LRFN2: variants seen among roughly 807,000 people sequenced by gnomAD.
LRFN2 encodes leucine rich repeat and fibronectin type III domain containing 2.
A neutral mutation model predicts 37.3 loss-of-function variants in LRFN2; 18 were observed. The ratio of observed to expected loss-of-function variants is 0.48; its 90% confidence interval spans 0.33 to 0.72. The LOEUF (loss-of-function observed/expected upper bound fraction) is 0.72. Ranked by LOEUF, LRFN2 falls within the 30% of genes least tolerant of loss-of-function variation. The pLI, the probability that LRFN2 is intolerant of heterozygous loss-of-function variation, is 0.02. For missense variants in LRFN2, 1,006 were observed against 1,060.7 expected, an observed-to-expected ratio of 0.95 and a Z score of 0.72; for synonymous variants, 556 against 466.6, an observed-to-expected ratio of 1.19 and a Z score of -2.47.
chr6:40,550,621 G>C (rs1187715814), intron 1 of LRFN2, among the ~76,000 whole-genome samples: 1 of 151,694 alleles, frequency 6.6e-6, no homozygotes, highest in Non-Finnish European at 1.5e-5. Flanking sequence ...ACAGACCAGT[G>C]GCCACAATGT....
Position 40,391,896 on chromosome 6 carries a change from C to T in LRFN2, c.*47G>A. On this transcript the variant is annotated 3_prime_UTR_variant, in exon 3 of 3. Transcript: ENST00000338305. ...AAACACTTGCCAGTGAGATTCTTTC[C>T]CCTTCTCCCACCCTGCGCACAGGAA... 1 of 1,472,412 alleles carries T rather than the reference C, an allele frequency of 6.8e-7. No individual in the cohort carries two copies. Among genetic ancestry groups the T allele is most frequent in the Non-Finnish European group, 9.0e-7 (1 of 1,108,156 alleles). The allele number at this position is 1,472,412 out of a possible 1,614,324, so 91.2% of individuals were successfully genotyped here.
At position 40,435,040 on chromosome 6, in the gene LRFN2, TATATATATATATAGAGAGAGAGAGAGAG is replaced by T. The variant is rs1490150248; in HGVS notation, c.-18-1937_-18-1910del. On this transcript the variant is annotated intron_variant, in intron 1 of 2. Transcript: ENST00000338305. ...ATATATATATATATATATATATATA[TATATATATATATAGAGAGAGAGAGAGAG>T]AGAGAGAGAGAGAGAGAGAGAGACA... 2.6e-4 allele frequency among the ~76,000 whole-genome samples: 24 copies of T among 93,710 alleles called. No individual in the cohort carries two copies. In the East Asian group the frequency reaches 7.1e-3, roughly 28 times the overall value. The allele number at this position is 93,710 out of a possible 152,430, so 61.5% of individuals were successfully genotyped here. A position where few individuals can be genotyped will look rare whatever the true frequency, so the allele number is the denominator to read the frequency against.
At chr6:40,411,255 G>A (rs528550058) in intron 2 of LRFN2, among the ~76,000 whole-genome samples, 62 of 152,318 alleles carry the variant, frequency 4.1e-4, no homozygotes, top group Non-Finnish European at 7.5e-4. Context: ...ATGAGGAGTC[G>A]TCCCTGCTCT....
intron 1 of LRFN2, among the ~76,000 whole-genome samples, chr6:40,585,191 G>C (rs1230806950): frequency 6.6e-6 from 1 of 152,284 alleles, no homozygotes; most frequent in Non-Finnish European, 1.5e-5. Flanking sequence ...CAAGTTTGCT[G>C]TTTGCATCCC....
intron 2 of LRFN2, among the ~76,000 whole-genome samples, chr6:40,430,136 C>T (rs934034371): frequency 1.3e-5 from 2 of 152,192 alleles, no homozygotes; most frequent in South Asian, 4.1e-4. Context: ...TATATGTGCA[C>T]ATATGCATGT....
chr6:40,396,359 C>T (rs951757279), intron 2 of LRFN2, among the ~76,000 whole-genome samples: 6 of 152,174 alleles, frequency 3.9e-5, no homozygotes, highest in East Asian at 1.9e-4. Flanking sequence ...TGCTGCCTCT[C>T]GGACACTGCC....
intron 2 of LRFN2, among the ~76,000 whole-genome samples, chr6:40,393,845 A>G (rs1159400677): frequency 1.3e-5 from 2 of 152,156 alleles, no homozygotes; most frequent in Non-Finnish European, 2.9e-5. Context: ...ACACCTCCAA[A>G]GGGCTTTCTC....
At chr6:40,439,249 C>A (rs1217730854) in intron 1 of LRFN2, among the ~76,000 whole-genome samples, 1 of 152,318 alleles carries the variant, frequency 6.6e-6, no homozygotes, top group African/African-American at 2.4e-5. Context: ...AAGTAAGATG[C>A]CTGTCTCCGC....
chr6:40,424,908 T>C (rs1429251143), intron 2 of LRFN2, among the ~76,000 whole-genome samples: 2 of 152,356 alleles, frequency 1.3e-5, no homozygotes, highest in East Asian at 3.9e-4. Flanking sequence ...GTCGATTTCA[T>C]TAGCAAATTT....
intron 2 of LRFN2, among the ~76,000 whole-genome samples, chr6:40,403,942 T>G (rs1167225001): frequency 2.0e-5 from 3 of 152,176 alleles, no homozygotes; most frequent in Non-Finnish European, 4.4e-5. Context: ...CAATCTGGGC[T>G]CCCCACTGCT....
chr6:40,530,428 A>T (rs1033055461), intron 1 of LRFN2, among the ~76,000 whole-genome samples: 5 of 152,190 alleles, frequency 3.3e-5, no homozygotes, highest in Admixed American at 1.3e-4. Flanking sequence ...ATTGAGACAG[A>T]AAAGACATGG....
intron 1 of LRFN2, among the ~76,000 whole-genome samples, chr6:40,463,144 T>C (rs748952878): frequency 6.6e-6 from 1 of 152,156 alleles, no homozygotes; most frequent in Non-Finnish European, 1.5e-5. Context: ...GGTAATAAGG[T>C]GCAAGGAGCT....
rs1763538561 is a variant in LRFN2 at position 40,432,798 on chromosome 6, G to T, written c.316C>A (p.His106Asn). Reference sequence around the variant, plus strand: ...CTTGGCAGCCGATTGCTGTCAAGATGCAGGGAGCGGAGGCTCTCGAGGTCC... The same window carrying T: ...CTTGGCAGCCGATTGCTGTCAAGATTCAGGGAGCGGAGGCTCTCGAGGTCC... The part of the protein sequence containing the change: ...FLDLESLRSL[H>N]LDSNRLPSLG... The change falls in exon 2 of 3, where the codon CAT becomes AAT. Residue 106 changes from histidine (H) to asparagine (N), a missense_variant. By Grantham distance (68) the His-to-Asn change is moderately conservative. Coordinates refer to ENST00000338305, the MANE Select transcript of LRFN2 (RefSeq NM_020737.3). 2 of 1,614,234 alleles carry T rather than the reference G, an allele frequency of 1.2e-6. No individual in the cohort carries two copies.
At chr6:40,466,099 G>A (rs998815619) in intron 1 of LRFN2, among the ~76,000 whole-genome samples, 19 of 152,266 alleles carry the variant, frequency 1.2e-4, no homozygotes, top group Middle Eastern at 6.8e-3. Context: ...ATTAGCCACC[G>A]AGCACTTCTT....
chr6:40,443,010 C>A (rs921745441), intron 1 of LRFN2, among the ~76,000 whole-genome samples: 3 of 138,450 alleles, frequency 2.2e-5, no homozygotes, highest in East Asian at 4.3e-4. Flanking sequence ...ATTCTAATAA[C>A]CCCTCTTATT....
intron 2 of LRFN2, among the ~76,000 whole-genome samples, chr6:40,403,274 A>G (rs1762777623): frequency 6.6e-6 from 1 of 150,520 alleles, no homozygotes; most frequent in African/African-American, 2.5e-5. Context: ...ACTAGTGCCA[A>G]ATGCTGGCCT....
intron 1 of LRFN2, among the ~76,000 whole-genome samples, chr6:40,473,262 T>A (rs1400347550): frequency 6.6e-6 from 1 of 152,172 alleles, no homozygotes; most frequent in Non-Finnish European, 1.5e-5. Context: ...TCAGGTAGCA[T>A]CCTGCCTCCT....
intron 1 of LRFN2, among the ~76,000 whole-genome samples, chr6:40,519,970 A>T (rs1278010396): frequency 2.0e-5 from 3 of 152,206 alleles, no homozygotes; most frequent in African/African-American, 7.2e-5. Context: ...TTTCAGGCAG[A>T]GGGAACAGCA....
At chr6:40,520,600 C>T (rs1390857912) in intron 1 of LRFN2, among the ~76,000 whole-genome samples, 1 of 152,164 alleles carries the variant, frequency 6.6e-6, no homozygotes, top group Admixed American at 6.5e-5. Context: ...CGGGAAGGTC[C>T]CCTCTAATGG....
Sources: allele counts gnomAD v4.1 joint callset (sites outside exome capture counted in the v4.1 genomes callset), GRCh38; gene constraint gnomAD v4.1.1; transcripts MANE v1.5; gene names NCBI Gene and HGNC (gene_info 2026-07-23, HGNC 2026-07-21).